ITGA9: variants seen among roughly 807,000 people sequenced by gnomAD.
The protein encoded by ITGA9 is integrin subunit alpha 9, also known as integrin alpha-9.
A neutral mutation model predicts 127.8 loss-of-function variants in ITGA9; 56 were observed. That is an observed-to-expected ratio of 0.44 (90% confidence interval 0.35 to 0.55). The LOEUF (loss-of-function observed/expected upper bound fraction) is 0.55. Among genes scored for constraint, ITGA9 ranks in the 20% least tolerant of loss-of-function variants. ITGA9 has a pLI of 0.00. For synonymous variants in ITGA9, 508 were observed against 514.5 expected (o/e 0.99, Z 0.17); for missense variants, 1,196 against 1,347.1 (o/e 0.89, Z 1.76).
intron 15 of ITGA9, among the ~76,000 whole-genome samples, chr3:37,611,394 G>A (rs764432017): frequency 1.1e-4 from 16 of 152,286 alleles, no homozygotes; most frequent in South Asian, 6.2e-4. Flanking sequence ...CAAGAAAGAT[G>A]AGGACAGAGA....
In ITGA9 at chr3:37,815,641, A is replaced by G. The variant is rs116141874; in HGVS notation, c.3010-3250A>G. Among the ~76,000 whole-genome samples the G allele has an allele frequency of 6.5e-3, 985 of 151,900 alleles. 11 individuals carry two copies. Among genetic ancestry groups the G allele is most frequent in the Middle Eastern group, 0.024 (7 of 292 alleles). On this transcript the variant is annotated intron_variant, in intron 27 of 27. Transcript: ENST00000264741. ...AAAAAAAAAGTGAAAAGTCCAGTTC[A>G]GCAAGGCACACTAACTGATGCTGTT...
chr3:37,762,970 C>A (rs1408586719), intron 23 of ITGA9, among the ~76,000 whole-genome samples: 2 of 152,180 alleles, frequency 1.3e-5, no homozygotes, highest in East Asian at 3.9e-4. Context: ...CTCTGCTCTC[C>A]CATTTTCTTA....
At chr3:37,788,061 A>G (rs1040545601) in intron 26 of ITGA9, among the ~76,000 whole-genome samples, 2 of 152,248 alleles carry the variant, frequency 1.3e-5, no homozygotes, top group Non-Finnish European at 2.9e-5. Flanking sequence ...GTTTGTTCAC[A>G]TAACAAATCT....
At chr3:37,768,838 C>T (rs1036613525) in intron 23 of ITGA9, among the ~76,000 whole-genome samples, 1 of 151,700 alleles carries the variant, frequency 6.6e-6, no homozygotes, top group Non-Finnish European at 1.5e-5. Context: ...CCAGCCGTGG[C>T]TCATGGGGAA....
At chr3:37,582,869 A>G (rs1216292285) in intron 15 of ITGA9, among the ~76,000 whole-genome samples, 1 of 152,244 alleles carries the variant, frequency 6.6e-6, no homozygotes, top group Non-Finnish European at 1.5e-5. Context: ...AAGCCTCTAT[A>G]CTTAACAACA....
At chr3:37,474,094 A>T (rs551329183) in intron 3 of ITGA9, among the ~76,000 whole-genome samples, 1 of 152,234 alleles carries the variant, frequency 6.6e-6, no homozygotes, top group Non-Finnish European at 1.5e-5. Flanking sequence ...ATTTTATGAA[A>T]TAAATGTTAT....
chr3:37,802,982 C>T (rs570807619), intron 26 of ITGA9, among the ~76,000 whole-genome samples: 19 of 152,282 alleles, frequency 1.2e-4, no homozygotes, highest in African/African-American at 4.3e-4. Context: ...GCCTCTCGAA[C>T]GAGTTTCTCC....
chr3:37,529,656 G>A (rs991181239), intron 13 of ITGA9, among the ~76,000 whole-genome samples: 1 of 152,190 alleles, frequency 6.6e-6, no homozygotes, highest in Non-Finnish European at 1.5e-5. Flanking sequence ...TACCCTCTTG[G>A]AAGAGATCAG....
intron 16 of ITGA9, among the ~76,000 whole-genome samples, chr3:37,637,232 C>T (rs1198429668): frequency 6.6e-6 from 1 of 152,114 alleles, no homozygotes; most frequent in African/African-American, 2.4e-5. Context: ...GCAGTATGGC[C>T]ATTTTCACGA....
At chr3:37,558,644 G>T (rs1358614891) in intron 15 of ITGA9, among the ~76,000 whole-genome samples, 2 of 145,494 alleles carry the variant, frequency 1.4e-5, no homozygotes, top group Admixed American at 6.7e-5. Flanking sequence ...AGTGCTCATT[G>T]TGTGCCAGAC....
At chr3:37,766,227 A>C (rs1367363237) in intron 23 of ITGA9, among the ~76,000 whole-genome samples, 1 of 152,120 alleles carries the variant, frequency 6.6e-6, no homozygotes, top group Non-Finnish European at 1.5e-5. Context: ...TCTGACATAC[A>C]CCCCAAGTTT....
At position 37,585,479 on chromosome 3, in the gene ITGA9, A is replaced by G. The variant is rs543744576; in HGVS notation, c.1689+42894A>G. The stretch of plus-strand genomic sequence containing the variant: ...CAGTAAATTCATTAGAGCGAATTCA[A>G]ATAAATAAGGTTTTACTTTTCTTCT... On this transcript the variant is annotated intron_variant, in intron 15 of 27. Coordinates refer to ENST00000264741, the MANE Select transcript of ITGA9 (RefSeq NM_002207.3). 379 of 431,476 alleles carry G rather than the reference A, an allele frequency of 8.8e-4. 1 individual carries two copies. The highest frequency in any genetic ancestry group is 6.2e-3 in the South Asian group (370 of 59,858). 26.7% of individuals were successfully genotyped at this position (431,476 alleles called of 1,614,324 possible).
intron 26 of ITGA9, among the ~76,000 whole-genome samples, chr3:37,786,599 A>C (rs989694758): frequency 6.6e-6 from 1 of 152,084 alleles, no homozygotes; most frequent in African/African-American, 2.4e-5. Context: ...TCTCAAAAAA[A>C]CAAAAAACAA....
At position 37,743,952 on chromosome 3, in the gene ITGA9, A is replaced by G; in HGVS notation, c.2351A>G (p.Tyr784Cys). 6.2e-7 allele frequency: 1 copy of G among 1,613,924 alleles called. No homozygotes were observed. The highest frequency in any genetic ancestry group is 1.1e-5 in the South Asian group (1 of 91,076). ...TGIMSPTSFV[Y>C]GESVDAANFI... ...ATCATGTCTCCAACCTCCTTTGTAT[A>G]TGGCGAGTCCGTGGACGCAGCCAAC... The change falls in exon 22 of 28, where the codon TAT becomes TGT. Residue 784 changes from tyrosine to cysteine, a missense_variant. Coordinates refer to ENST00000264741, the MANE Select transcript of ITGA9 (RefSeq NM_002207.3).
chr3:37,678,147 T>A (rs1051479002), intron 17 of ITGA9, among the ~76,000 whole-genome samples: 1 of 152,220 alleles, frequency 6.6e-6, no homozygotes, highest in Non-Finnish European at 1.5e-5. Context: ...GGAACAAATG[T>A]CTCTTTGAGT....
At position 37,577,725 on chromosome 3, in the gene ITGA9, C is replaced by T. The variant is rs551664725; in HGVS notation, c.1689+35140C>T. On this transcript the variant is annotated intron_variant, in intron 15 of 27. Transcript: ENST00000264741. ...AGCAATTAATAAAACCTTCCATTTC[C>T]ACATCTACTGTGAAACTCTGTGACT... is the stretch of plus-strand genomic sequence containing the variant. 3.9e-5 allele frequency among the ~76,000 whole-genome samples: 6 copies of T among 152,308 alleles called. No homozygotes were observed. In the East Asian group the frequency reaches 9.6e-4, roughly 24 times the overall value.
chr3:37,555,759 T>A (rs369106954), intron 15 of ITGA9, among the ~76,000 whole-genome samples: 44 of 152,350 alleles, frequency 2.9e-4, no homozygotes, highest in Middle Eastern at 3.4e-3. Flanking sequence ...CTCTAGTGTT[T>A]TGGAACAATC....
At chr3:37,688,657 C>T (rs1331050738) in intron 18 of ITGA9, among the ~76,000 whole-genome samples, 2 of 152,248 alleles carry the variant, frequency 1.3e-5, no homozygotes, top group Middle Eastern at 3.4e-3. Flanking sequence ...TTGAATCAGT[C>T]GCCACTTAAT....
rs906827697 is a variant in ITGA9, at chr3:37,820,970, C to T, written c.*1981C>T. 3 of 152,176 alleles carry T rather than the reference C, an allele frequency of 2.0e-5. No individual in the cohort carries two copies. The East Asian group carries it at 5.8e-4, about 29-fold the overall frequency. 9.4% of individuals were successfully genotyped at this position (152,176 alleles called of 1,614,324 possible). A position where few individuals can be genotyped will look rare whatever the true frequency, so the allele number is the denominator to read the frequency against. On this transcript the variant is annotated 3_prime_UTR_variant, in exon 28 of 28. Coordinates refer to ENST00000264741, the MANE Select transcript of ITGA9 (RefSeq NM_002207.3). ...ACTTGGCTAATACTCACAAACATAT[C>T]TAAAGTTTTGGCAAAATTATGAGGG... is the stretch of plus-strand genomic sequence containing the variant.
Sources: gnomAD v4.1 joint callset for allele counts (sites outside exome capture counted in the v4.1 genomes callset) on GRCh38, gnomAD v4.1.1 for gene constraint, MANE v1.5 for transcripts, NCBI Gene and HGNC (gene_info 2026-07-23, HGNC 2026-07-21) for gene names.